CNOT6: variants seen among roughly 807,000 people sequenced by gnomAD.
CNOT6 encodes carbon catabolite repression 4 protein.
Under a neutral mutation model 61.2 loss-of-function variants are expected in CNOT6, and 12 were observed. That is an observed-to-expected ratio of 0.20 (90% CI 0.13 to 0.32). The LOEUF (loss-of-function observed/expected upper bound fraction) is 0.32, where lower values mean the gene tolerates loss of function less well. Ranked by LOEUF, CNOT6 falls within the 10% of genes least tolerant of loss-of-function variation. The probability of loss-of-function intolerance (pLI) is 1.00; values close to 1 mark genes in which losing one functional copy is unlikely to be tolerated. For missense variants in CNOT6, 405 were observed against 663.9 expected (o/e 0.61, Z 4.28); for synonymous variants, 225 against 240.6 (o/e 0.94, Z 0.60).
At chr5:180,527,455 A>C (rs1758152904) in intron 1 of CNOT6, among the ~76,000 whole-genome samples, 1 of 152,224 alleles carries the variant, frequency 6.6e-6, no homozygotes, top group South Asian at 2.1e-4. Flanking sequence ...TGTAAAATTC[A>C]CAACATGATA....
chr5:180,571,522 T>G, intron 11 of CNOT6, 90 bp downstream of exon 11: 1 of 927,236 alleles, frequency 1.1e-6, no homozygotes, highest in Non-Finnish European at 1.7e-6. Flanking sequence ...TGTGGCTGTG[T>G]GTTCAGGCTG....
At chr5:180,555,277 G>A (rs1158582385) in intron 4 of CNOT6, among the ~76,000 whole-genome samples, 1 of 152,150 alleles carries the variant, frequency 6.6e-6, no homozygotes, top group Admixed American at 6.5e-5. Flanking sequence ...AAATTGCTGG[G>A]GTTACAGGCG....
In CNOT6 at chr5:180,564,509, A is replaced by G; in HGVS notation, c.406A>G (p.Ile136Val). Residue 136 changes from isoleucine to valine, a missense_variant, in exon 5 of 12, where the codon ATA (isoleucine) becomes GTA (valine). Ile to Val is a conservative substitution (Grantham distance 29). Transcript: ENST00000261951. ...TCCAGGAAATCCCCTTACCCAGGAT[A>G]TATTGAACCTTTATCAGGAACCAGA... ...GLKGNPLTQD[I>V]LNLYQEPDGT... The G allele has an allele frequency of 1.2e-6, 2 of 1,612,670 alleles. No individual in the cohort carries two copies. Among genetic ancestry groups the G allele is most frequent in the Non-Finnish European group, 1.7e-6 (2 of 1,178,692 alleles).
Position 180,571,214 on chromosome 5 carries a change from T to C in CNOT6, c.1259-16T>C. ...TTGTATATATTTGACAATAAAAAAA[T>C]TTGTCTTCATTGTAGGTGTTGTAGA... On this transcript the variant is annotated splice_polypyrimidine_tract_variant and intron_variant, in intron 10 of 11. Transcript: ENST00000261951. The C allele has an allele frequency of 1.3e-6, 2 of 1,575,902 alleles. No individual in the cohort carries two copies. Among genetic ancestry groups the C allele is most frequent in the South Asian group, 1.1e-5 (1 of 88,390 alleles).
At chr5:180,521,537 C>T (rs145916095) in intron 1 of CNOT6, among the ~76,000 whole-genome samples, 66 of 152,306 alleles carry the variant, frequency 4.3e-4, no homozygotes, top group Admixed American at 7.2e-4. Flanking sequence ...CGCTGACTTA[C>T]AGACTGAGTA....
At chr5:180,563,567 G>A (rs1487114352) in intron 4 of CNOT6, among the ~76,000 whole-genome samples, 3 of 151,934 alleles carry the variant, frequency 2.0e-5, no homozygotes, top group Non-Finnish European at 4.4e-5. Context: ...TGAGAGAATA[G>A]GAAAAAACAC....
chr5:180,511,339 C>T (rs770405877), intron 1 of CNOT6, among the ~76,000 whole-genome samples: 26 of 151,708 alleles, frequency 1.7e-4, no homozygotes, highest in African/African-American at 5.6e-4. Context: ...AGGCCAGGGG[C>T]GGTGGCTCAC....
At chr5:180,573,253 G>T (rs1401049933) in intron 11 of CNOT6, among the ~76,000 whole-genome samples, 1 of 152,170 alleles carries the variant, frequency 6.6e-6, no homozygotes, top group Non-Finnish European at 1.5e-5. Context: ...TTTAGTAGAT[G>T]CCATGGCGGG....
intron 2 of CNOT6, among the ~76,000 whole-genome samples, chr5:180,549,347 A>G (rs1759471096): frequency 6.6e-6 from 1 of 152,192 alleles, no homozygotes; most frequent in Non-Finnish European, 1.5e-5. Flanking sequence ...CATATCTGAG[A>G]TCATTTTAAA....
intron 4 of CNOT6, among the ~76,000 whole-genome samples, chr5:180,558,448 C>A (rs1274484091): frequency 2.0e-5 from 3 of 150,936 alleles, no homozygotes; most frequent in Non-Finnish European, 4.4e-5. Flanking sequence ...AAGCCGCGGC[C>A]TGGTATCTAG....
chr5:180,524,951 GA>G (rs543333689), intron 1 of CNOT6, among the ~76,000 whole-genome samples: 155 of 152,304 alleles, frequency 1.0e-3, no homozygotes, highest in African/African-American at 3.6e-3. Context: ...TGGTAGCATA[GA>G]ACAGAGCATT....
intron 1 of CNOT6, among the ~76,000 whole-genome samples, chr5:180,505,251 A>ATTTTT (rs70973919): frequency 1.7e-5 from 1 of 60,424 alleles, no homozygotes; most frequent in Non-Finnish European, 3.0e-5. Flanking sequence ...GTAATAGTTA[A>ATTTTT]TTTTTTTTTT....
intron 1 of CNOT6, among the ~76,000 whole-genome samples, chr5:180,502,825 G>A (rs17630549): frequency 0.25 from 37,980 of 152,112 alleles, 5,803 homozygotes; most frequent in Middle Eastern, 0.4. Flanking sequence ...ATTGCACTCA[G>A]CCTTTTGGGA....
At chr5:180,518,103 T>C (rs1289073727) in intron 1 of CNOT6, among the ~76,000 whole-genome samples, 2 of 152,194 alleles carry the variant, frequency 1.3e-5, no homozygotes, top group Non-Finnish European at 2.9e-5. Context: ...TTATCTCTCT[T>C]TTGTTTTGGC....
intron 1 of CNOT6, among the ~76,000 whole-genome samples, chr5:180,502,945 C>G (rs1047873825): frequency 2.6e-5 from 4 of 152,036 alleles, no homozygotes; most frequent in African/African-American, 7.2e-5. Flanking sequence ...CAGTAGTTTC[C>G]TTTGTTAATC....
chr5:180,508,814 TAA>T (rs1290187626), intron 1 of CNOT6, among the ~76,000 whole-genome samples: 2,625 of 127,528 alleles, frequency 0.021, 32 homozygotes, highest in Non-Finnish European at 0.028. Context: ...ATTAATTAAT[TAA>T]TTTTATTATT....
At chr5:180,572,987 A>C (rs1306846391) in intron 11 of CNOT6, among the ~76,000 whole-genome samples, 2 of 152,224 alleles carry the variant, frequency 1.3e-5, no homozygotes, top group Non-Finnish European at 1.5e-5. Context: ...AAGAGTTTAG[A>C]TAGTATCTCA....
chr5:180,551,908 C>A (rs1302556220), intron 3 of CNOT6, among the ~76,000 whole-genome samples: 1 of 148,458 alleles, frequency 6.7e-6, no homozygotes, highest in Non-Finnish European at 1.5e-5. Context: ...TTACTCTTGT[C>A]GCCCAGACTG....
chr5:180,567,023 A>G (rs1760500306), intron 7 of CNOT6, 65 bp from the exon 8 acceptor site: 5 of 1,414,298 alleles, frequency 3.5e-6, no homozygotes, highest in East Asian at 2.3e-5. Flanking sequence ...CAAACTATAC[A>G]TAGAAGTTAA....
Sources: allele counts gnomAD v4.1 joint callset (sites outside exome capture counted in the v4.1 genomes callset), GRCh38; gene constraint gnomAD v4.1.1; transcripts MANE v1.5; gene names NCBI Gene and HGNC (gene_info 2026-07-23, HGNC 2026-07-21).